The following NSUN7 variants were observed in gnomAD, a reference collection of about 807,000 sequenced individuals.
NSUN7 encodes NOP2/Sun RNA methyltransferase family member 7, also known as protein NSUN7.
A neutral mutation model predicts 58.5 loss-of-function variants in NSUN7; 39 were observed. The observed-to-expected ratio is 0.67, with a 90% CI of 0.52 to 0.87. NSUN7 has a LOEUF of 0.87. Ranked by LOEUF, NSUN7 falls within the 40% of genes least tolerant of loss-of-function variation. The pLI, the probability that NSUN7 is intolerant of heterozygous loss-of-function variation, is 0.00. For missense variants in NSUN7, 765 were observed against 844.1 expected (o/e 0.91, Z 1.16); for synonymous variants, 278 against 303.7 (o/e 0.92, Z 0.88).
chr4:40,790,554 G>T, intron 7 of NSUN7, 48 bp from the exon 8 acceptor site: 1 of 1,239,664 alleles, frequency 8.1e-7, no homozygotes. Context: ...ACTACATTAA[G>T]ATTTTTCATT....
intron 4 of NSUN7, among the ~76,000 whole-genome samples, chr4:40,768,398 C>G (rs976763968): frequency 6.6e-6 from 1 of 152,018 alleles, no homozygotes; most frequent in Non-Finnish European, 1.5e-5. Flanking sequence ...GCATGTTGGC[C>G]AGGCTGGTCT....
chr4:40,804,003 C>T (rs929100750), intron 10 of NSUN7, among the ~76,000 whole-genome samples: 1 of 152,140 alleles, frequency 6.6e-6, no homozygotes, highest in Non-Finnish European at 1.5e-5. Context: ...GAGCAAAAGC[C>T]TGTCTAAAAC....
chr4:40,793,410 C>T (rs2154288766), intron 8 of NSUN7, among the ~76,000 whole-genome samples: 2 of 152,238 alleles, frequency 1.3e-5, no homozygotes, highest in South Asian at 4.2e-4. Context: ...CCACTGCACT[C>T]CAGCCTGGAT....
In NSUN7 at chr4:40,807,062, C is replaced by T; in HGVS notation, c.1402C>T (p.Leu468Phe). ...AATGCTTGTTCCTGTCTGCTGCAGG[C>T]TTAGTCCTCCTGTTCTTCCACTGTG... ...DLGNKGQPYR[L>F]SPPVLPLCSL... Residue 468 changes from leucine (L) to phenylalanine (F), a missense_variant and splice_region_variant, in exon 11 of 12, where the codon CTT becomes TTT. Leu to Phe is a conservative substitution (Grantham distance 22). Transcript: ENST00000381782. 6.4e-7 allele frequency: 1 copy of T among 1,551,488 alleles called. No individual in the cohort carries two copies. The highest frequency in any genetic ancestry group is 1.2e-5 in the South Asian group (1 of 83,902).
At chr4:40,776,943 T>C (rs1279006123) in intron 7 of NSUN7, among the ~76,000 whole-genome samples, 1 of 152,190 alleles carries the variant, frequency 6.6e-6, no homozygotes, top group Non-Finnish European at 1.5e-5. Context: ...AGGCTTCTTG[T>C]TTTTTAAAAA....
At chr4:40,787,004 C>T (rs937806977) in intron 7 of NSUN7, among the ~76,000 whole-genome samples, 3 of 149,384 alleles carry the variant, frequency 2.0e-5, no homozygotes, top group Admixed American at 1.3e-4. Flanking sequence ...GGGAATTTGG[C>T]CTGAAGTTAG....
intron 4 of NSUN7, among the ~76,000 whole-genome samples, chr4:40,770,450 C>G (rs1290682053): frequency 6.6e-6 from 1 of 152,124 alleles, no homozygotes; most frequent in Admixed American, 6.5e-5. Context: ...AACACTATGG[C>G]AAGTATTTGT....
intron 8 of NSUN7, among the ~76,000 whole-genome samples, chr4:40,793,258 A>G (rs1436896079): frequency 6.6e-6 from 1 of 152,122 alleles, no homozygotes; most frequent in Non-Finnish European, 1.5e-5. Context: ...CCTGACCAAC[A>G]TAGTGAAACC....
Position 40,807,106 on chromosome 4 carries a change from A to G in NSUN7, c.1446A>G (p.Gln482=), listed in dbSNP as rs1466358109. Reference sequence around the variant, plus strand: ...CACTGTGCTCCTTAAAGGAAATTCAATTGTCTACTGATAAATTTTTCAGAA... The same window carrying G: ...CACTGTGCTCCTTAAAGGAAATTCAGTTGTCTACTGATAAATTTTTCAGAA... The part of the protein sequence containing the change: ...VLPLCSLKEI[Q]LSTDKFFRME... The change falls in exon 11 of 12, where the codon CAA becomes CAG. Residue 482 remains glutamine, a synonymous_variant. Transcript: ENST00000381782. 36 of 1,551,596 alleles carry G rather than the reference A, an allele frequency of 2.3e-5. No individual in the cohort carries two copies. In the East Asian group the frequency reaches 4.9e-4, roughly 21 times the overall value.
At chr4:40,799,080 T>TTTTC (rs1743453911) in intron 10 of NSUN7, among the ~76,000 whole-genome samples, 176 bp downstream of exon 10, 1 of 136,644 alleles carries the variant, frequency 7.3e-6, no homozygotes. Context: ...TTTCTTTTTT[T>TTTTC]TTTTTTTTTT....
chr4:40,759,276 A>G (rs915465608), intron 2 of NSUN7, among the ~76,000 whole-genome samples: 15 of 152,150 alleles, frequency 9.9e-5, no homozygotes, highest in African/African-American at 2.7e-4. Flanking sequence ...GTGCCACTGC[A>G]CTCCGGCCGG....
At chr4:40,784,912 C>T (rs1742737391) in intron 7 of NSUN7, among the ~76,000 whole-genome samples, 1 of 152,156 alleles carries the variant, frequency 6.6e-6, no homozygotes, top group Non-Finnish European at 1.5e-5. Context: ...AGCAAGTTAA[C>T]CAAGCTAACA....
chr4:40,768,934 G>A (rs1266909625), intron 4 of NSUN7, among the ~76,000 whole-genome samples: 1 of 152,146 alleles, frequency 6.6e-6, no homozygotes, highest in Non-Finnish European at 1.5e-5. Context: ...GAAAGGAGGG[G>A]AAAGACTTAG....
chr4:40,764,127 G>A (rs1741595056), intron 4 of NSUN7, among the ~76,000 whole-genome samples: 1 of 150,760 alleles, frequency 6.6e-6, no homozygotes, highest in African/African-American at 2.4e-5. Flanking sequence ...TGCACAATGT[G>A]CAGGTTAGTT....
intron 7 of NSUN7, among the ~76,000 whole-genome samples, chr4:40,777,288 A>T (rs182217245): frequency 6.6e-6 from 1 of 152,260 alleles, no homozygotes; most frequent in East Asian, 1.9e-4. Context: ...AAACAACATC[A>T]TCCTACATTT....
At chr4:40,766,573 G>A (rs984317306) in intron 4 of NSUN7, among the ~76,000 whole-genome samples, 1 of 152,212 alleles carries the variant, frequency 6.6e-6, no homozygotes, top group Non-Finnish European at 1.5e-5. Flanking sequence ...CCTGGCTTTG[G>A]TATGAGGATG....
intron 4 of NSUN7, among the ~76,000 whole-genome samples, chr4:40,770,293 TTTC>T (rs1227614927): frequency 2.0e-5 from 3 of 152,026 alleles, no homozygotes; most frequent in African/African-American, 7.3e-5. Flanking sequence ...CGTTAGGTGA[TTTC>T]TTCTGATGGG....
At chr4:40,766,345 G>C (rs1370992248) in intron 4 of NSUN7, among the ~76,000 whole-genome samples, 1 of 151,710 alleles carries the variant, frequency 6.6e-6, no homozygotes, top group Non-Finnish European at 1.5e-5. Context: ...ATAATCATGT[G>C]GTTTTTGTCT....
rs1741001213 is a variant in NSUN7 at position 40,754,186 on chromosome 4, C to G, written c.298+3195C>G. On this transcript the variant is annotated intron_variant, in intron 2 of 11. Coordinates refer to ENST00000381782, the MANE Select transcript of NSUN7 (RefSeq NM_024677.6). The stretch of plus-strand genomic sequence containing the variant: ...TGAGACAGAGTCTTGCTCTGTCACC[C>G]ACGCTGGAGTGCAGTCAATCGCGCA... Among the ~76,000 whole-genome samples, 3 of 151,430 alleles carry G rather than the reference C, an allele frequency of 2.0e-5. No homozygotes were observed. The South Asian group carries it at 6.3e-4, about 32-fold the overall frequency.
Sources: allele counts gnomAD v4.1 joint callset (sites outside exome capture counted in the v4.1 genomes callset), GRCh38; gene constraint gnomAD v4.1.1; transcripts MANE v1.5; gene names NCBI Gene and HGNC (gene_info 2026-07-23, HGNC 2026-07-21).